The following SEL1L3 variants were observed in gnomAD, a reference collection of about 807,000 sequenced individuals.
The protein encoded by SEL1L3 is protein sel-1 homolog 3.
SEL1L3 carries 76 observed loss-of-function variants against 142.8 expected under a neutral mutation model. The observed-to-expected ratio is 0.53, with a 90% CI of 0.44 to 0.64. SEL1L3 has a LOEUF of 0.64. Ranked by LOEUF, SEL1L3 falls within the 30% of genes least tolerant of loss-of-function variation. SEL1L3 has a pLI of 0.00. For synonymous variants in SEL1L3, 504 were observed against 519.6 expected (o/e 0.97, Z 0.41); for missense variants, 1,262 against 1,381.7 (o/e 0.91, Z 1.37).
At position 25,822,122 on chromosome 4, in the gene SEL1L3, C is replaced by T; in HGVS notation, c.1164G>A (p.Arg388=). 1 of 1,613,912 alleles carries T rather than the reference C, an allele frequency of 6.2e-7. No homozygotes were observed. The highest frequency in any genetic ancestry group is 8.5e-7 in the Non-Finnish European group (1 of 1,179,838). ...KSYHNQTISF[R]EDFHYNDTAG... The stretch of plus-strand genomic sequence containing the variant: ...CTGTGTCATTATAATGGAAATCCTC[C>T]CGGAAGCTAGAGAAGAGAATGAAGG... The change falls in exon 7 of 24, where the codon CGG becomes CGA. Residue 388 remains arginine (R), a synonymous_variant. Transcript: ENST00000399878.
At chr4:25,724,645 G>T in the SEL1L3 span, among the ~76,000 whole-genome samples, 1 of 147,186 alleles carries the variant, frequency 6.8e-6, no homozygotes, top group South Asian at 2.2e-4. Flanking sequence ...GCTGAGGCAG[G>T]AGAATGGCGT....
At chr4:25,762,080 C>T (rs1718411037) in intron 20 of SEL1L3, among the ~76,000 whole-genome samples, 1 of 152,212 alleles carries the variant, frequency 6.6e-6, no homozygotes, top group South Asian at 2.1e-4. Flanking sequence ...TCCCAAGTAA[C>T]TGGGACTACT....
intron 8 of SEL1L3, among the ~76,000 whole-genome samples, chr4:25,819,325 A>C (rs1364878350): frequency 7.1e-6 from 1 of 141,098 alleles, no homozygotes; most frequent in African/African-American, 2.4e-5. Context: ...AGAATGAGTC[A>C]ATTTCAAGGA....
intron 6 of SEL1L3, 105 bp from the exon 7 acceptor site, chr4:25,822,233 G>T: frequency 7.3e-7 from 1 of 1,371,800 alleles, no homozygotes; most frequent in Non-Finnish European, 1.0e-6. Flanking sequence ...ATTGCCCCAA[G>T]CCCTTCACTC....
rs1231644028 is a variant in SEL1L3 at position 25,767,617 on chromosome 4, G to T, written c.2761-8C>A. On this transcript the variant is annotated splice_region_variant and splice_polypyrimidine_tract_variant and intron_variant, in intron 18 of 23. Coordinates refer to ENST00000399878, the MANE Select transcript of SEL1L3 (RefSeq NM_015187.5). ...GTATCTCCTGGCCAGGTCCTAAGGG[G>T]TAAAGGGAAGAAAAAGTTAATTCAT... 9 of 1,574,262 alleles carry T rather than the reference G, an allele frequency of 5.7e-6. No homozygotes were observed. The highest frequency in any genetic ancestry group is 2.7e-5 in the African/African-American group (2 of 74,086).
chr4:25,799,071 ACT>A (rs1712995149), intron 11 of SEL1L3, among the ~76,000 whole-genome samples: 2 of 151,116 alleles, frequency 1.3e-5, no homozygotes, highest in South Asian at 2.1e-4. Context: ...CCTGTGTCCT[ACT>A]CTGTTTGTTG....
intron 15 of SEL1L3, among the ~76,000 whole-genome samples, chr4:25,780,413 A>G (rs775041065): frequency 1.3e-5 from 2 of 152,020 alleles, no homozygotes. Flanking sequence ...TTTCATTCAG[A>G]GCAGAAACTG....
chr4:25,773,490 A>AC (rs1236002996), intron 17 of SEL1L3: 3 of 152,174 alleles, frequency 2.0e-5, no homozygotes, highest in African/African-American at 7.2e-5. Flanking sequence ...GAGAAAAGCC[A>AC]CCCTACTGAC....
chr4:25,726,659 G>C, the SEL1L3 span, among the ~76,000 whole-genome samples: 1 of 152,178 alleles, frequency 6.6e-6, no homozygotes, highest in African/African-American at 2.4e-5. Context: ...AACGGGCCAG[G>C]TTTCCCTGCT....
chr4:25,753,848 G>A (rs1717766618), intron 23 of SEL1L3, among the ~76,000 whole-genome samples: 1 of 152,034 alleles, frequency 6.6e-6, no homozygotes, highest in South Asian at 2.1e-4. Flanking sequence ...GCTGGGGGTG[G>A]TGGCGTGCAC....
At chr4:25,722,299 A>C in the SEL1L3 span, among the ~76,000 whole-genome samples, 18 of 152,158 alleles carry the variant, frequency 1.2e-4, no homozygotes, top group African/African-American at 3.6e-4. Context: ...AGAGGACGTT[A>C]CCTTCACAAG....
intron 20 of SEL1L3, among the ~76,000 whole-genome samples, chr4:25,762,806 C>G (rs942798957): frequency 2.6e-5 from 4 of 152,044 alleles, no homozygotes; most frequent in African/African-American, 9.7e-5. Flanking sequence ...GGTGAAACCC[C>G]GTTTCTACTA....
intron 3 of SEL1L3, among the ~76,000 whole-genome samples, chr4:25,833,782 T>G (rs1051825854): frequency 6.6e-6 from 1 of 152,230 alleles, no homozygotes; most frequent in African/African-American, 2.4e-5. Flanking sequence ...AGCTTCATTG[T>G]ACAAAACTAG....
the SEL1L3 span, among the ~76,000 whole-genome samples, chr4:25,729,068 C>G: frequency 1.3e-5 from 2 of 151,980 alleles, no homozygotes; most frequent in East Asian, 1.9e-4. Flanking sequence ...TGCAAAGAAG[C>G]CTTGGAAAAA....
intron 2 of SEL1L3, among the ~76,000 whole-genome samples, chr4:25,843,068 T>C (rs61495921): frequency 0.023 from 3,559 of 152,036 alleles, 123 homozygotes; most frequent in African/African-American, 0.079. Context: ...AGAATGAACT[T>C]GGTATGCTCC....
At chr4:25,740,669 T>G in the SEL1L3 span, among the ~76,000 whole-genome samples, 1 of 152,150 alleles carries the variant, frequency 6.6e-6, no homozygotes, top group South Asian at 2.1e-4. Flanking sequence ...CCTAAATGCT[T>G]TATTTCATTA....
chr4:25,776,987 A>C (rs1355074436), intron 16 of SEL1L3, among the ~76,000 whole-genome samples: 1 of 152,076 alleles, frequency 6.6e-6, no homozygotes, highest in African/African-American at 2.4e-5. Context: ...ATTAAATGTA[A>C]ATGGACAAAA....
intron 15 of SEL1L3, among the ~76,000 whole-genome samples, chr4:25,780,662 G>T (rs1279767955): frequency 6.7e-6 from 1 of 149,638 alleles, no homozygotes; most frequent in East Asian, 1.9e-4. Context: ...TGGTTCCCTG[G>T]TTTCCCTTAT....
the SEL1L3 span, among the ~76,000 whole-genome samples, chr4:25,716,412 T>C: frequency 6.6e-6 from 1 of 152,178 alleles, no homozygotes; most frequent in Non-Finnish European, 1.5e-5. Context: ...CTGGCAGGAA[T>C]GTAAATTGGT....
Sources: allele counts gnomAD v4.1 joint callset (sites outside exome capture counted in the v4.1 genomes callset), GRCh38; gene constraint gnomAD v4.1.1; transcripts MANE v1.5; gene names NCBI Gene and HGNC (gene_info 2026-07-23, HGNC 2026-07-21).